The following PTPRD variants were observed in gnomAD, a reference collection of about 807,000 sequenced individuals.
The protein encoded by PTPRD is receptor-type tyrosine-protein phosphatase delta.
Under a neutral mutation model 214.5 loss-of-function variants are expected in PTPRD, and 34 were observed. That is an observed-to-expected ratio of 0.16 (90% CI 0.12 to 0.21). The LOEUF (loss-of-function observed/expected upper bound fraction) is 0.21, where lower values mean the gene tolerates loss of function less well. Among genes scored for constraint, PTPRD ranks in the 10% least tolerant of loss-of-function variants. The pLI is 1.00. For synonymous variants in PTPRD, 1,128 were observed against 845.7 expected (o/e 1.33, Z -5.79); for missense variants, 2,545 against 2,398.7 (o/e 1.06, Z -1.27).
At chr9:10,110,631 T>C (rs898439610) in intron 3 of PTPRD, among the ~76,000 whole-genome samples, 3 of 152,194 alleles carry the variant, frequency 2.0e-5, no homozygotes, top group Admixed American at 6.5e-5. Context: ...ACTTGCCAAA[T>C]TAAGCAAGGT....
chr9:10,269,824 A>G (rs1039260676), intron 3 of PTPRD, among the ~76,000 whole-genome samples: 56 of 152,330 alleles, frequency 3.7e-4, no homozygotes, highest in Non-Finnish European at 5.9e-4. Context: ...TCTGTAAAAC[A>G]TAATTCTAAA....
chr9:9,381,182 C>G (rs1296151792), intron 9 of PTPRD, among the ~76,000 whole-genome samples: 2 of 151,980 alleles, frequency 1.3e-5, no homozygotes, highest in Non-Finnish European at 2.9e-5. Context: ...CATTGTTCTT[C>G]AAAGTCATTA....
rs758584728 is a variant in PTPRD, at chr9:9,583,893, C to T, written c.-286-9112G>A. Among the ~76,000 whole-genome samples, 11 of 152,118 alleles carry T rather than the reference C, an allele frequency of 7.2e-5. No individual in the cohort carries two copies. In the South Asian group the frequency reaches 8.3e-4, roughly 11 times the overall value. ...GCCACTTGTCCCTTTCTATCTTACTCGCCATGGTTGGCTACTTTAATCAAG... is the reference window on the plus strand; with the variant it reads ...GCCACTTGTCCCTTTCTATCTTACTTGCCATGGTTGGCTACTTTAATCAAG... On this transcript the variant is annotated intron_variant, in intron 7 of 45. Coordinates refer to ENST00000381196, the MANE Select transcript of PTPRD (RefSeq NM_002839.4).
intron 23 of PTPRD, among the ~76,000 whole-genome samples, chr9:8,501,376 C>A (rs1193114239): frequency 6.6e-6 from 1 of 152,100 alleles, no homozygotes; most frequent in Non-Finnish European, 1.5e-5. Flanking sequence ...CTAAACCAAT[C>A]CCTCAGTATC....
chr9:9,704,250 C>A (rs1254012517), intron 7 of PTPRD, among the ~76,000 whole-genome samples: 1 of 151,856 alleles, frequency 6.6e-6, no homozygotes, highest in Non-Finnish European at 1.5e-5. Context: ...TCGCATTCTT[C>A]TTTTTTCTTT....
At chr9:8,697,205 C>CT (rs1318115481) in intron 12 of PTPRD, among the ~76,000 whole-genome samples, 2 of 151,948 alleles carry the variant, frequency 1.3e-5, no homozygotes, top group African/African-American at 4.8e-5. Context: ...TGAGGACTGA[C>CT]TATACGTAGG....
intron 2 of PTPRD, among the ~76,000 whole-genome samples, chr9:10,401,524 G>A (rs1288622343): frequency 6.7e-6 from 1 of 150,176 alleles, no homozygotes; most frequent in Non-Finnish European, 1.5e-5. Flanking sequence ...ATGTAAACAG[G>A]TATATATAGT....
chr9:10,450,104 G>T (rs978965976), intron 2 of PTPRD, among the ~76,000 whole-genome samples: 2 of 151,676 alleles, frequency 1.3e-5, no homozygotes, highest in Non-Finnish European at 2.9e-5. Context: ...CAAACACTGC[G>T]GAAGGCCGCA....
intron 2 of PTPRD, among the ~76,000 whole-genome samples, chr9:10,491,780 G>C: frequency 1.3e-5 from 2 of 151,768 alleles, no homozygotes; most frequent in Non-Finnish European, 2.9e-5. Context: ...TTGTTACATA[G>C]GTATACATGT....
At chr9:9,762,794 T>A (rs1226015114) in intron 6 of PTPRD, among the ~76,000 whole-genome samples, 1 of 152,240 alleles carries the variant, frequency 6.6e-6, no homozygotes, top group Non-Finnish European at 1.5e-5. Context: ...GTATTATTCA[T>A]AGCAGCACCC....
rs1189365793 is a variant in PTPRD at position 8,316,403 on chromosome 9, T to C, written c.*1471A>G. 3 of 231,424 alleles carry C rather than the reference T, an allele frequency of 1.3e-5. No individual in the cohort carries two copies. Among genetic ancestry groups the C allele is most frequent in the Non-Finnish European group, 2.6e-5 (3 of 116,738 alleles). The allele number at this position is 231,424 out of a possible 1,614,324, so 14.3% of individuals were successfully genotyped here. ...AAAGTACAGCACTTCCCAGGAATGCTGTATGCCACAAAATGTTTCTGACTG... is the reference window on the plus strand; with the variant it reads ...AAAGTACAGCACTTCCCAGGAATGCCGTATGCCACAAAATGTTTCTGACTG... On this transcript the variant is annotated 3_prime_UTR_variant, in exon 46 of 46. Transcript: ENST00000381196.
intron 8 of PTPRD, among the ~76,000 whole-genome samples, chr9:9,535,548 C>T (rs1005387694): frequency 6.6e-6 from 1 of 152,032 alleles, no homozygotes; most frequent in African/African-American, 2.4e-5. Context: ...AAACAATGTA[C>T]ACATACATTA....
intron 5 of PTPRD, among the ~76,000 whole-genome samples, chr9:9,864,339 A>AAC (rs372919746): frequency 0.012 from 1,837 of 151,848 alleles, 39 homozygotes; most frequent in African/African-American, 0.042. Flanking sequence ...TAAAAAAAAA[A>AAC]AAAGTTTTGT....
intron 7 of PTPRD, among the ~76,000 whole-genome samples, chr9:9,645,418 G>GT (rs1363357152): frequency 1.4e-5 from 2 of 146,270 alleles, no homozygotes; most frequent in East Asian, 2.0e-4. Flanking sequence ...GATTTGCTTT[G>GT]TTTTTTTCAT....
At chr9:10,575,271 C>G (rs2068843157) in intron 2 of PTPRD, among the ~76,000 whole-genome samples, 1 of 151,862 alleles carries the variant, frequency 6.6e-6, no homozygotes, top group Non-Finnish European at 1.5e-5. Context: ...TACAATTAAA[C>G]AAACAATCTT....
intron 4 of PTPRD, among the ~76,000 whole-genome samples, chr9:10,008,772 C>T (rs1013818383): frequency 4.7e-4 from 71 of 152,074 alleles, no homozygotes; most frequent in African/African-American, 1.7e-3. Flanking sequence ...GATCATGATA[C>T]TTCAATTGAC....
intron 11 of PTPRD, among the ~76,000 whole-genome samples, chr9:9,001,641 T>C (rs376135417): frequency 3.3e-5 from 5 of 151,932 alleles, no homozygotes; most frequent in African/African-American, 1.2e-4. Flanking sequence ...TTCAGCTAGG[T>C]TAGGACTTTG....
At chr9:9,828,585 G>C (rs1255267974) in intron 5 of PTPRD, among the ~76,000 whole-genome samples, 1 of 151,790 alleles carries the variant, frequency 6.6e-6, no homozygotes, top group Non-Finnish European at 1.5e-5. Flanking sequence ...ACACCAACAG[G>C]GCACATGTAT....
intron 14 of PTPRD, among the ~76,000 whole-genome samples, chr9:8,569,490 A>C (rs1014092460): frequency 1.3e-5 from 2 of 152,098 alleles, no homozygotes; most frequent in African/African-American, 4.8e-5. Context: ...TCTTCCATAA[A>C]AACTGGAGAA....
Sources: gnomAD v4.1 joint callset for allele counts (sites outside exome capture counted in the v4.1 genomes callset) on GRCh38, gnomAD v4.1.1 for gene constraint, MANE v1.5 for transcripts, NCBI Gene and HGNC (gene_info 2026-07-23, HGNC 2026-07-21) for gene names.